CERK: variants seen among roughly 807,000 people sequenced by gnomAD.
CERK encodes the protein ceramide kinase.
CERK carries 39 observed loss-of-function variants against 63.4 expected under a neutral mutation model. The ratio of observed to expected loss-of-function variants is 0.61; its 90% CI spans 0.48 to 0.80. CERK has a LOEUF of 0.80. CERK is among the 30% of genes least tolerant of loss of function. CERK has a pLI of 0.00. For synonymous variants in CERK, 302 were observed against 280.0 expected (o/e 1.08, Z -0.78); for missense variants, 670 against 714.1 (o/e 0.94, Z 0.70).
chr22:46,700,778 G>A (rs548057511), intron 7 of CERK, among the ~76,000 whole-genome samples: 41 of 152,200 alleles, frequency 2.7e-4, no homozygotes, highest in South Asian at 1.5e-3. Context: ...TTGGAAGGCC[G>A]AGGCGGGTGG....
intron 1 of CERK, among the ~76,000 whole-genome samples, chr22:46,733,208 CAAA>C (rs35759818): frequency 6.5e-5 from 5 of 77,348 alleles, no homozygotes. Context: ...GACTCTGTCT[CAAA>C]AAAAAAAAAA....
chr22:46,724,741 A>T (rs1456543055), intron 1 of CERK, among the ~76,000 whole-genome samples: 1 of 152,194 alleles, frequency 6.6e-6, no homozygotes, highest in Non-Finnish European at 1.5e-5. Flanking sequence ...TGGGCTCAGC[A>T]GGGCGGGGTG....
chr22:46,687,873 G>A (rs12628101), intron 12 of CERK, among the ~76,000 whole-genome samples: 10,231 of 152,160 alleles, frequency 0.067, 562 homozygotes, highest in East Asian at 0.23. Context: ...CTCCTCAGAC[G>A]TATTTCAGTA....
chr22:46,731,406 C>T (rs779578864), intron 1 of CERK, among the ~76,000 whole-genome samples: 5 of 152,212 alleles, frequency 3.3e-5, no homozygotes, highest in Admixed American at 6.5e-5. Context: ...CCCACCCACC[C>T]GGCAATGACA....
intron 1 of CERK, among the ~76,000 whole-genome samples, chr22:46,729,002 C>T (rs747243028): frequency 7.2e-5 from 11 of 152,228 alleles, no homozygotes; most frequent in Admixed American, 3.3e-4. Flanking sequence ...CAGCCAGGGC[C>T]CACCTCCCTC....
chr22:46,732,874 T>G (rs978599703), intron 1 of CERK, among the ~76,000 whole-genome samples: 2 of 152,136 alleles, frequency 1.3e-5, no homozygotes, highest in Non-Finnish European at 2.9e-5. Flanking sequence ...ATTGTCTGCC[T>G]TTTTTCCTAT....
intron 1 of CERK, among the ~76,000 whole-genome samples, chr22:46,726,251 T>G (rs1443513727): frequency 6.6e-6 from 1 of 152,192 alleles, no homozygotes; most frequent in Non-Finnish European, 1.5e-5. Context: ...AAGAGCGAGT[T>G]CCCAGCTAAG....
intron 1 of CERK, among the ~76,000 whole-genome samples, chr22:46,737,310 AAAAC>A (rs376881408): frequency 0.012 from 1,772 of 151,654 alleles, 40 homozygotes; most frequent in African/African-American, 0.041. Context: ...AAAAAAACAA[AAAAC>A]AAACAAAAAA....
chr22:46,717,984 G>A (rs1174632714), intron 3 of CERK, among the ~76,000 whole-genome samples: 1 of 152,182 alleles, frequency 6.6e-6, no homozygotes, highest in Non-Finnish European at 1.5e-5. Context: ...AGGAGGCTGA[G>A]ACAGGAGAAT....
chr22:46,697,159 C>T (rs1191356396), intron 8 of CERK, among the ~76,000 whole-genome samples: 1 of 152,142 alleles, frequency 6.6e-6, no homozygotes, highest in Non-Finnish European at 1.5e-5. Context: ...ATTTCTTTCT[C>T]TCATAAGGGT....
chr22:46,727,735 T>G (rs2082926291), intron 1 of CERK, among the ~76,000 whole-genome samples: 1 of 152,148 alleles, frequency 6.6e-6, no homozygotes, highest in South Asian at 2.1e-4. Context: ...GGCAGGGGCC[T>G]GGTCAGCATC....
At chr22:46,693,228 A>G (rs1810562) in intron 10 of CERK, among the ~76,000 whole-genome samples, 199 bp downstream of exon 10, 80,685 of 151,898 alleles carry the variant, frequency 0.53, 22,838 homozygotes, top group African/African-American at 0.72. Context: ...CACAAAACCC[A>G]CTGCTCCACA....
intron 3 of CERK, among the ~76,000 whole-genome samples, chr22:46,716,936 C>A (rs1401705966): frequency 1.4e-5 from 2 of 143,052 alleles, no homozygotes; most frequent in African/African-American, 2.9e-5. Flanking sequence ...CTCTGTCCCC[C>A]CACCAAAAAA....
In CERK at chr22:46,686,339, C is replaced by G. The variant is rs1426883139; in HGVS notation, c.*795G>C. The stretch of plus-strand genomic sequence containing the variant: ...AGCTTCCTCCTGACTGCCCCCAAGC[C>G]CGGCTGTGTTAAGCACTTCGCGTCG... On this transcript the variant is annotated 3_prime_UTR_variant, in exon 13 of 13. Transcript: ENST00000216264. 1 of 152,240 alleles carries G rather than the reference C, an allele frequency of 6.6e-6. No homozygotes were observed. Among genetic ancestry groups the G allele is most frequent in the African/African-American group, 2.4e-5 (1 of 41,440 alleles). The allele number at this position is 152,240 out of a possible 1,614,324, so 9.4% of individuals were successfully genotyped here. A position where few individuals can be genotyped will look rare whatever the true frequency, so the allele number is the denominator to read the frequency against.
chr22:46,695,232 C>A lies in CERK; in HGVS notation c.1027G>T (p.Asp343Tyr), dbSNP rs772946630. ...PAQHTVGSPR[D>Y]RKPCRAGCFV... ...TACCCTGCCCGGCAGGGCTTCCTAT[C>A]CCTTGGAGATCCCACCGTGTGTTGT... The change falls in exon 9 of 13, where the codon GAT becomes TAT. Residue 343 changes from aspartate to tyrosine, a missense_variant. Coordinates refer to ENST00000216264, the MANE Select transcript of CERK (RefSeq NM_022766.6). 7 of 1,600,974 alleles carry A rather than the reference C, an allele frequency of 4.4e-6. No individual in the cohort carries two copies. The Admixed American group carries it at 1.2e-4, about 27-fold the overall frequency.
At chr22:46,721,303 A>ATTTT (rs547428951) in intron 1 of CERK, among the ~76,000 whole-genome samples, 1 of 151,538 alleles carries the variant, frequency 6.6e-6, no homozygotes, top group African/African-American at 2.4e-5. Context: ...ATATATATAT[A>ATTTT]TTTTTTTGAG....
rs1344810424 is a variant in CERK, at chr22:46,690,126, G to A, written c.1407C>T (p.Asp469=). 1.2e-6 allele frequency: 2 copies of A among 1,614,068 alleles called. No individual in the cohort carries two copies. Among genetic ancestry groups the A allele is most frequent in the South Asian group, 2.2e-5 (2 of 91,084 alleles). ...QFTSKHMEDE[D]SDLKEGGKKR... is the part of the protein sequence containing the mutation. ...TCTTCCCCCCCTCCTTGAGGTCGCTGTCCTCATCCTCCATGTGCTTCGACG... is the reference window on the plus strand; with the variant it reads ...TCTTCCCCCCCTCCTTGAGGTCGCTATCCTCATCCTCCATGTGCTTCGACG... Residue 469 remains aspartate, a synonymous_variant, in exon 12 of 13, where the codon GAC becomes GAT. Transcript: ENST00000216264.
intron 10 of CERK, among the ~76,000 whole-genome samples, chr22:46,692,957 A>G (rs566476831): frequency 1.3e-4 from 19 of 151,846 alleles, no homozygotes; most frequent in South Asian, 2.1e-4. Flanking sequence ...AAATAATAAT[A>G]TTTTGTGACA....
At chr22:46,713,508 CAAAA>C (rs34168827) in intron 3 of CERK, among the ~76,000 whole-genome samples, 1 of 74,290 alleles carries the variant, frequency 1.3e-5, no homozygotes. Flanking sequence ...GACTTCATCT[CAAAA>C]AAAAAAAAAA....
Sources: gnomAD v4.1 joint callset for allele counts (sites outside exome capture counted in the v4.1 genomes callset) on GRCh38, gnomAD v4.1.1 for gene constraint, MANE v1.5 for transcripts, NCBI Gene and HGNC (gene_info 2026-07-23, HGNC 2026-07-21) for gene names.